Variants in RBKS observed in about 807,000 individuals in gnomAD.
RBKS encodes ribokinase.
RBKS carries 33 observed loss-of-function variants against 33.9 expected under a neutral mutation model. The observed-to-expected ratio is 0.97, with a 90% CI of 0.74 to 1.30. The LOEUF is 1.30. RBKS is among the 50% of genes most tolerant of loss of function. The pLI, the probability that RBKS is intolerant of heterozygous loss-of-function variation, is 0.00. For synonymous variants in RBKS, 125 were observed against 143.0 expected, an observed-to-expected ratio of 0.87 and a Z score of 0.90; for missense variants, 361 against 392.6, an observed-to-expected ratio of 0.92 and a Z score of 0.68.
chr2:27,842,426 T>C (rs1156544687), intron 5 of RBKS, among the ~76,000 whole-genome samples: 5 of 152,190 alleles, frequency 3.3e-5, no homozygotes, highest in African/African-American at 1.2e-4. Context: ...AAATATTACA[T>C]ATAAATAATC....
At chr2:27,787,085 C>CAAA (rs1382718078) in intron 7 of RBKS, among the ~76,000 whole-genome samples, 24 of 152,150 alleles carry the variant, frequency 1.6e-4, no homozygotes, top group African/African-American at 5.8e-4. Flanking sequence ...GTCTCCCAGA[C>CAAA]TCAAGCAATC....
At chr2:27,789,971 A>ATATG (rs1457091459) in intron 7 of RBKS, among the ~76,000 whole-genome samples, 18 of 128,622 alleles carry the variant, frequency 1.4e-4, no homozygotes, top group Middle Eastern at 4.3e-3. Flanking sequence ...ATATATATAT[A>ATATG]TGTATATATA....
At chr2:27,845,206 C>T (rs1028991063) in intron 4 of RBKS, among the ~76,000 whole-genome samples, 3 of 152,230 alleles carry the variant, frequency 2.0e-5, no homozygotes, top group African/African-American at 7.2e-5. Flanking sequence ...AGCTGCTAAG[C>T]AGCAAGCCCA....
chr2:27,874,100 C>A (rs577015268), intron 1 of RBKS, among the ~76,000 whole-genome samples: 2 of 152,274 alleles, frequency 1.3e-5, no homozygotes, highest in East Asian at 3.9e-4. Context: ...ATAAGAGGAA[C>A]CTTCTACAAT....
intron 7 of RBKS, among the ~76,000 whole-genome samples, chr2:27,806,742 A>T (rs929877039): frequency 1.3e-5 from 2 of 152,198 alleles, no homozygotes; most frequent in African/African-American, 2.4e-5. Context: ...TCCTCAATGG[A>T]GGCACATTTC....
intron 7 of RBKS, chr2:27,809,604 C>CT (rs1029637571): frequency 1.8e-4 from 35 of 197,768 alleles, no homozygotes; most frequent in East Asian, 5.3e-4. Flanking sequence ...CAGCAATCCC[C>CT]TTTTTTTTGT....
At chr2:27,788,275 G>A (rs1336056065) in intron 7 of RBKS, among the ~76,000 whole-genome samples, 2 of 152,164 alleles carry the variant, frequency 1.3e-5, no homozygotes, top group African/African-American at 4.8e-5. Context: ...AAGGCATACA[G>A]ATTGAAAAGG....
At position 27,810,020 on chromosome 2, in the gene RBKS, C is replaced by T. The variant is rs760295223; in HGVS notation, c.795+17547G>A. 1.2e-4 allele frequency: 163 copies of T among 1,304,158 alleles called. No homozygotes were observed. Among genetic ancestry groups the T allele is most frequent in the South Asian group, 1.6e-4 (13 of 81,036 alleles). 80.8% of individuals were successfully genotyped at this position (1,304,158 alleles called of 1,614,324 possible). On this transcript the variant is annotated intron_variant, in intron 7 of 7. Coordinates refer to ENST00000302188, the MANE Select transcript of RBKS (RefSeq NM_022128.3). The surrounding 1 kb of genome is among the most constrained non-coding windows in gnomAD (Gnocchi z 4.4). ...CTGCTTCTTCACACTTGCTGCTTCACTCTTGGGTCTTGAGCCAGGTCTACA... is the reference window on the plus strand; with the variant it reads ...CTGCTTCTTCACACTTGCTGCTTCATTCTTGGGTCTTGAGCCAGGTCTACA...
At chr2:27,841,544 T>G (rs1573058798) in intron 5 of RBKS, among the ~76,000 whole-genome samples, 1 of 152,284 alleles carries the variant, frequency 6.6e-6, no homozygotes, top group East Asian at 1.9e-4. Context: ...TTCTGACAGC[T>G]TCATGTCCAT....
chr2:27,831,304 T>G (rs193034462), intron 6 of RBKS, among the ~76,000 whole-genome samples: 14 of 152,076 alleles, frequency 9.2e-5, no homozygotes, highest in Admixed American at 9.2e-4. Context: ...CTCATGGAAC[T>G]TGTAATTTAA....
At chr2:27,821,724 A>C (rs920200247) in intron 7 of RBKS, among the ~76,000 whole-genome samples, 2 of 152,244 alleles carry the variant, frequency 1.3e-5, no homozygotes, top group African/African-American at 4.8e-5. Context: ...AGGCACTTTG[A>C]GTAGTAGCTG....
intron 7 of RBKS, among the ~76,000 whole-genome samples, chr2:27,805,824 A>G (rs1677885334): frequency 6.6e-6 from 1 of 151,718 alleles, no homozygotes; most frequent in Non-Finnish European, 1.5e-5. Context: ...ATCCACCCAC[A>G]CTGGCCTCTC....
chr2:27,885,935 A>G (rs1664519655), intron 1 of RBKS, among the ~76,000 whole-genome samples: 1 of 152,240 alleles, frequency 6.6e-6, no homozygotes, highest in Admixed American at 6.5e-5. Context: ...ATGATTAACA[A>G]AGGCCTATGA....
At chr2:27,844,219 C>T (rs1331126400) in intron 4 of RBKS, among the ~76,000 whole-genome samples, 1 of 138,900 alleles carries the variant, frequency 7.2e-6, no homozygotes, top group Middle Eastern at 3.6e-3. Context: ...GAGATTGTGT[C>T]ATTGCATTCC....
chr2:27,882,329 C>T (rs1207593588), intron 1 of RBKS, among the ~76,000 whole-genome samples: 1 of 152,126 alleles, frequency 6.6e-6, no homozygotes, highest in Non-Finnish European at 1.5e-5. Flanking sequence ...TCAAAAAAAG[C>T]TCAACATCAC....
At chr2:27,872,499 A>G (rs745530955) in intron 1 of RBKS, among the ~76,000 whole-genome samples, 1 of 152,184 alleles carries the variant, frequency 6.6e-6, no homozygotes, top group Non-Finnish European at 1.5e-5. Context: ...AGCTTTATCA[A>G]TATCAGCCAA....
intron 1 of RBKS, among the ~76,000 whole-genome samples, chr2:27,873,762 G>A (rs1664260127): frequency 6.6e-6 from 1 of 151,930 alleles, no homozygotes; most frequent in Non-Finnish European, 1.5e-5. Context: ...CAGAAGAATT[G>A]CATTTGAACG....
chr2:27,848,462 T>C (rs867028462), intron 2 of RBKS, among the ~76,000 whole-genome samples: 1 of 152,194 alleles, frequency 6.6e-6, no homozygotes, highest in Non-Finnish European at 1.5e-5. Flanking sequence ...GGTATCTTTG[T>C]CATGACTTGC....
At chr2:27,866,564 A>G (rs1027882078) in intron 1 of RBKS, among the ~76,000 whole-genome samples, 2 of 152,198 alleles carry the variant, frequency 1.3e-5, no homozygotes, top group Admixed American at 1.3e-4. Flanking sequence ...CACAGGTCAC[A>G]GACACTGTGC....
Sources: gnomAD v4.1 joint callset for allele counts (sites outside exome capture counted in the v4.1 genomes callset) on GRCh38, gnomAD v4.1.1 for gene constraint, Gnocchi (gnomAD v3.1) non-coding constraint, MANE v1.5 for transcripts, NCBI Gene and HGNC (gene_info 2026-07-23, HGNC 2026-07-21) for gene names.